NFATC2: variants seen among roughly 807,000 people sequenced by gnomAD.
NFATC2 encodes the protein nuclear factor of activated T cells 2, also known as nuclear factor of activated T-cells, cytoplasmic 2.
In NFATC2, 22 loss-of-function variants were observed where a neutral mutation model predicts 87.3. That is an observed-to-expected ratio of 0.25 (90% CI 0.18 to 0.36). The LOEUF (loss-of-function observed/expected upper bound fraction) is 0.36, where lower values mean the gene tolerates loss of function less well. NFATC2 is among the 10% of genes least tolerant of loss of function. The pLI, the probability that NFATC2 is intolerant of heterozygous loss-of-function variation, is 1.00. For missense variants in NFATC2, 1,149 were observed against 1,259.1 expected, an observed-to-expected ratio of 0.91 and a Z score of 1.32; for synonymous variants, 565 against 542.2, an observed-to-expected ratio of 1.04 and a Z score of -0.58.
At chr20:51,405,844 C>A (rs1383198893) in intron 9 of NFATC2, among the ~76,000 whole-genome samples, 3 of 152,140 alleles carry the variant, frequency 2.0e-5, no homozygotes, top group African/African-American at 7.2e-5. Context: ...CAACTGTCTC[C>A]CAGAGCACAG....
chr20:51,538,697 C>T (rs1388438785), intron 1 of NFATC2, among the ~76,000 whole-genome samples: 1 of 152,168 alleles, frequency 6.6e-6, no homozygotes, highest in Non-Finnish European at 1.5e-5. Context: ...CCTCCATTAA[C>T]AAAAGCAAGG....
chr20:51,500,323 A>G (rs750575955), intron 3 of NFATC2, among the ~76,000 whole-genome samples: 1 of 152,150 alleles, frequency 6.6e-6, no homozygotes, highest in Non-Finnish European at 1.5e-5. Flanking sequence ...AATAGAAAAA[A>G]TGACAGCTTA....
At chr20:51,395,362 T>TTTAATTAACTTGTACGATATTGATC (rs1986909662) in intron 10 of NFATC2, among the ~76,000 whole-genome samples, 1 of 151,404 alleles carries the variant, frequency 6.6e-6, no homozygotes, top group African/African-American at 2.4e-5. Flanking sequence ...GTATTGATCC[T>TTTAATTAACTTGTACGATATTGATC]CTTTCTTTTG....
intron 4 of NFATC2, 125 bp from the exon 5 acceptor site, chr20:51,474,277 A>G (rs959708308): frequency 3.5e-6 from 4 of 1,144,628 alleles, no homozygotes; most frequent in Non-Finnish European, 4.9e-6. Context: ...TAAGCATTTC[A>G]GCCAGGAATG....
At chr20:51,560,110 T>C (rs2077008975) in intron 1 of NFATC2, among the ~76,000 whole-genome samples, 1 of 152,236 alleles carries the variant, frequency 6.6e-6, no homozygotes, top group African/African-American at 2.4e-5. Flanking sequence ...ATCTTTAATA[T>C]AACAGGATTT....
At chr20:51,513,199 C>A (rs2146678577) in intron 3 of NFATC2, among the ~76,000 whole-genome samples, 1 of 152,284 alleles carries the variant, frequency 6.6e-6, no homozygotes, top group East Asian at 1.9e-4. Context: ...GGCACTTGGG[C>A]CACTTGTGGT....
intron 2 of NFATC2, among the ~76,000 whole-genome samples, chr20:51,521,442 T>C (rs1251313473): frequency 1.3e-5 from 2 of 152,236 alleles, no homozygotes; most frequent in African/African-American, 4.8e-5. Flanking sequence ...TGCCTCAGCC[T>C]CCCGAGTAGC....
rs913649349 is a variant in NFATC2 at position 51,445,022 on chromosome 20, C to T, written c.1850-9261G>A. Among the ~76,000 whole-genome samples the T allele has an allele frequency of 2.0e-5, 3 of 152,126 alleles. No homozygotes were observed. In the East Asian group the frequency reaches 5.8e-4, roughly 29 times the overall value. ...ACTGGTCCAGCTGCTCACTCACCTC[C>T]CAGTTTCTCCGAGTGCTGCCCCCCA... On this transcript the variant is annotated intron_variant, in intron 6 of 10. Coordinates refer to ENST00000371564, the MANE Select transcript of NFATC2 (RefSeq NM_012340.5).
At chr20:51,558,588 T>C (rs1341887512) in intron 1 of NFATC2, among the ~76,000 whole-genome samples, 3 of 152,156 alleles carry the variant, frequency 2.0e-5, no homozygotes, top group Non-Finnish European at 2.9e-5. Flanking sequence ...TATTAAAGGA[T>C]TGAGAACTTC....
chr20:51,529,209 T>C (rs1265896731), intron 1 of NFATC2, among the ~76,000 whole-genome samples: 4 of 152,162 alleles, frequency 2.6e-5, no homozygotes, highest in Admixed American at 6.5e-5. Context: ...AAACACACCC[T>C]TGGGGCTGAT....
At chr20:51,451,929 C>T (rs920050785) in intron 6 of NFATC2, among the ~76,000 whole-genome samples, 1 of 152,118 alleles carries the variant, frequency 6.6e-6, no homozygotes, top group African/African-American at 2.4e-5. Context: ...TTGTATATTA[C>T]AATGTAATAA....
At chr20:51,476,956 A>G (rs1263189692) in intron 3 of NFATC2, among the ~76,000 whole-genome samples, 2 of 152,206 alleles carry the variant, frequency 1.3e-5, no homozygotes, top group Non-Finnish European at 2.9e-5. Context: ...ATAGACTGGT[A>G]TAACTATTTT....
rs2076973236 is a variant in NFATC2, at chr20:51,555,772, A to C, written c.70+6788T>G. On this transcript the variant is annotated intron_variant, in intron 1 of 10. Coordinates refer to the NFATC2 transcript ENST00000414705. ...ATTCTGCCTGGAATGCTCTTCCTCC[A>C]GACATCTTTCAGGCGGATTCCTCAC... 2.6e-5 allele frequency among the ~76,000 whole-genome samples: 4 copies of C among 152,098 alleles called. 1 individual carries two copies. The South Asian group carries it at 8.3e-4, about 32-fold the overall frequency.
chr20:51,529,654 G>C (rs1487891391), intron 1 of NFATC2, among the ~76,000 whole-genome samples: 3 of 152,112 alleles, frequency 2.0e-5, no homozygotes, highest in Non-Finnish European at 4.4e-5. Context: ...TTTCCAAAAA[G>C]CTTGCTTTTT....
At chr20:51,424,071 C>T (rs529579159) in intron 9 of NFATC2, among the ~76,000 whole-genome samples, 3 of 152,210 alleles carry the variant, frequency 2.0e-5, no homozygotes, top group South Asian at 2.1e-4. Flanking sequence ...GAGAGGGAAA[C>T]GAGAGATGCC....
At chr20:51,553,286 G>C (rs1295752731) in intron 1 of NFATC2, among the ~76,000 whole-genome samples, 1 of 152,102 alleles carries the variant, frequency 6.6e-6, no homozygotes, top group Admixed American at 6.5e-5. Context: ...CCTTCCACCT[G>C]GTCCCCGCAC....
intron 9 of NFATC2, among the ~76,000 whole-genome samples, chr20:51,403,967 T>C (rs1351380827): frequency 2.0e-5 from 3 of 152,212 alleles, no homozygotes; most frequent in Non-Finnish European, 2.9e-5. Context: ...AGTGAAGTCA[T>C]CGAGGTTCAG....
At chr20:51,504,644 G>A (rs576449278) in intron 3 of NFATC2, among the ~76,000 whole-genome samples, 44 of 152,310 alleles carry the variant, frequency 2.9e-4, no homozygotes, top group African/African-American at 1.1e-3. Flanking sequence ...TGTGGCCTAA[G>A]CAGTTAAGAG....
chr20:51,391,755 A>G (rs1261275453), intron 10 of NFATC2, among the ~76,000 whole-genome samples: 1 of 152,078 alleles, frequency 6.6e-6, no homozygotes, highest in Non-Finnish European at 1.5e-5. Context: ...AGCTCAGGCG[A>G]TCCTCCCACC....
Sources: gnomAD v4.1 joint callset for allele counts (sites outside exome capture counted in the v4.1 genomes callset) on GRCh38, gnomAD v4.1.1 for gene constraint, MANE v1.5 for transcripts, NCBI Gene and HGNC (gene_info 2026-07-23, HGNC 2026-07-21) for gene names.